Variants in LINGO2 observed in about 807,000 individuals in gnomAD.
The protein encoded by LINGO2 is leucine rich repeat and Ig domain containing 2, also known as leucine-rich repeat and immunoglobulin-like domain-containing nogo receptor-interacting protein 2.
Under a neutral mutation model 30.6 loss-of-function variants are expected in LINGO2, and 14 were observed. The ratio of observed to expected loss-of-function variants is 0.46; its 90% CI spans 0.30 to 0.72. LINGO2 has a LOEUF of 0.72. Ranked by LOEUF, LINGO2 falls within the 30% of genes least tolerant of loss-of-function variation. LINGO2 has a pLI of 0.07. For synonymous variants in LINGO2, 317 were observed against 288.5 expected, an observed-to-expected ratio of 1.10 and a Z score of -1.00; for missense variants, 729 against 751.7, an observed-to-expected ratio of 0.97 and a Z score of 0.35.
intron 5 of LINGO2, among the ~76,000 whole-genome samples, chr9:27,982,725 A>G (rs977381003): frequency 2.6e-5 from 4 of 151,908 alleles, no homozygotes; most frequent in Admixed American, 6.6e-5. Context: ...ATTTGTGCTG[A>G]GAGCAGAGAA....
At chr9:28,918,389 TG>T in the LINGO2 span, among the ~76,000 whole-genome samples, 1 of 152,120 alleles carries the variant, frequency 6.6e-6, no homozygotes, top group Admixed American at 6.5e-5. Flanking sequence ...GAGACTTGGG[TG>T]GGGACACAGA....
At chr9:28,916,191 G>C in the LINGO2 span, among the ~76,000 whole-genome samples, 1 of 152,034 alleles carries the variant, frequency 6.6e-6, no homozygotes, top group African/African-American at 2.4e-5. Flanking sequence ...ATAATATACC[G>C]ACATGACAGA....
intron 1 of LINGO2, among the ~76,000 whole-genome samples, chr9:28,633,002 C>G (rs1237602690): frequency 1.3e-5 from 2 of 150,622 alleles, no homozygotes; most frequent in African/African-American, 4.9e-5. Context: ...GCCCGAGAGC[C>G]AGCCCAAGTC....
At chr9:29,124,155 T>C in the LINGO2 span, among the ~76,000 whole-genome samples, 1 of 152,096 alleles carries the variant, frequency 6.6e-6, no homozygotes, top group Admixed American at 6.6e-5. Flanking sequence ...AAACAAGCAA[T>C]GGGGAAAGGA....
At chr9:28,018,321 C>A (rs772554621) in intron 4 of LINGO2, among the ~76,000 whole-genome samples, 1 of 152,036 alleles carries the variant, frequency 6.6e-6, no homozygotes, top group Non-Finnish European at 1.5e-5. Flanking sequence ...GATGAAGATG[C>A]CAAAAGCAAT....
At chr9:28,211,549 A>G (rs1820591989) in intron 4 of LINGO2, among the ~76,000 whole-genome samples, 1 of 151,392 alleles carries the variant, frequency 6.6e-6, no homozygotes. Flanking sequence ...TAATTTGATT[A>G]CTCTAAGCCT....
intron 4 of LINGO2, among the ~76,000 whole-genome samples, chr9:28,119,466 T>C (rs1827030428): frequency 6.6e-6 from 1 of 152,230 alleles, no homozygotes; most frequent in African/African-American, 2.4e-5. Flanking sequence ...ACAGTCTTAG[T>C]CTTGATTTAT....
At chr9:28,612,937 G>A (rs943908177) in intron 1 of LINGO2, among the ~76,000 whole-genome samples, 1 of 152,120 alleles carries the variant, frequency 6.6e-6, no homozygotes, top group Non-Finnish European at 1.5e-5. Flanking sequence ...GGAGAGACCA[G>A]GTGGAGATAA....
At chr9:28,681,597 G>A in the LINGO2 span, among the ~76,000 whole-genome samples, 1 of 152,160 alleles carries the variant, frequency 6.6e-6, no homozygotes, top group East Asian at 1.9e-4. Flanking sequence ...GAAGAAAAGG[G>A]ACAGCTGGCT....
intron 1 of LINGO2, among the ~76,000 whole-genome samples, chr9:28,659,470 C>A (rs1405377424): frequency 7.1e-6 from 1 of 140,420 alleles, no homozygotes. Flanking sequence ...TTTTTTTTTT[C>A]TTTGAGACAA....
chr9:29,165,463 A>G, the LINGO2 span, among the ~76,000 whole-genome samples: 1 of 152,000 alleles, frequency 6.6e-6, no homozygotes, highest in Admixed American at 6.6e-5. Context: ...CATGGATTTG[A>G]TACTGAACAT....
chr9:27,958,296 CTTACT>C (rs1429803098), intron 5 of LINGO2, among the ~76,000 whole-genome samples: 1 of 152,100 alleles, frequency 6.6e-6, no homozygotes, highest in Non-Finnish European at 1.5e-5. Context: ...TGGGATAAAC[CTTACT>C]TTGTCATTTA....
intron 1 of LINGO2, among the ~76,000 whole-genome samples, chr9:28,564,877 G>A (rs1823284584): frequency 6.6e-6 from 1 of 152,028 alleles, no homozygotes; most frequent in East Asian, 1.9e-4. Flanking sequence ...GGACAGTGCC[G>A]ATTATACATC....
At chr9:27,944,995 A>T (rs902852994), downstream of LINGO2, among the ~76,000 whole-genome samples, 9 of 152,164 alleles carry the variant, frequency 5.9e-5, no homozygotes, top group African/African-American at 1.7e-4. Context: ...TCTGCCTCCA[A>T]CCTTCTTTAA....
At chr9:28,236,666 G>C (rs539077051) in intron 4 of LINGO2, among the ~76,000 whole-genome samples, 26 of 152,226 alleles carry the variant, frequency 1.7e-4, no homozygotes, top group Admixed American at 4.6e-4. Context: ...ACTTGTTTGT[G>C]AGATCTTAAA....
the LINGO2 span, among the ~76,000 whole-genome samples, chr9:28,746,351 G>T: frequency 6.6e-6 from 1 of 151,988 alleles, no homozygotes; most frequent in East Asian, 1.9e-4. Flanking sequence ...AAGTTTGAGA[G>T]ATATTATTGC....
At chr9:29,117,314 A>G in the LINGO2 span, among the ~76,000 whole-genome samples, 5 of 152,178 alleles carry the variant, frequency 3.3e-5, no homozygotes, top group Admixed American at 6.5e-5. Flanking sequence ...GAAAAGAGAA[A>G]AAAAGCCCCG....
chr9:28,948,294 T>C, the LINGO2 span, among the ~76,000 whole-genome samples: 2 of 152,146 alleles, frequency 1.3e-5, no homozygotes, highest in Non-Finnish European at 2.9e-5. Context: ...TGTGGATGTC[T>C]TTCTAAAAGT....
chr9:28,616,891 A>T (rs927428540), intron 1 of LINGO2, among the ~76,000 whole-genome samples: 2 of 152,178 alleles, frequency 1.3e-5, no homozygotes, highest in African/African-American at 4.8e-5. Context: ...GCACATCCAA[A>T]AGACTCTTTC....
Sources: allele counts gnomAD v4.1 joint callset (sites outside exome capture counted in the v4.1 genomes callset), GRCh38; gene constraint gnomAD v4.1.1; transcripts MANE v1.5; gene names NCBI Gene and HGNC (gene_info 2026-07-23, HGNC 2026-07-21).